MAD1L1: variants seen among roughly 807,000 people sequenced by gnomAD.
MAD1L1 encodes mitotic spindle assembly checkpoint protein MAD1.
MAD1L1 carries 95 observed loss-of-function variants against 96.9 expected under a neutral mutation model. The ratio of observed to expected loss-of-function variants is 0.98; its 90% confidence interval spans 0.83 to 1.16. The LOEUF is 1.16. Among genes scored for constraint, MAD1L1 ranks in the 50% most tolerant of loss-of-function variants. The pLI is 0.00. For synonymous variants in MAD1L1, 473 were observed against 396.6 expected, an observed-to-expected ratio of 1.19 and a Z score of -2.29; for missense variants, 1,007 against 954.4, an observed-to-expected ratio of 1.06 and a Z score of -0.73.
intron 16 of MAD1L1, among the ~76,000 whole-genome samples, chr7:1,944,345 G>A (rs1246182508): frequency 2.0e-5 from 3 of 152,234 alleles, no homozygotes; most frequent in African/African-American, 7.2e-5. Flanking sequence ...CCCCTTCAAA[G>A]GGACGAGGTA....
At chr7:1,933,250 T>C (rs2128462005) in intron 17 of MAD1L1, among the ~76,000 whole-genome samples, 1 of 152,268 alleles carries the variant, frequency 6.6e-6, no homozygotes, top group East Asian at 1.9e-4. Context: ...GGTAGGAGCA[T>C]GGAGCCGTCT....
chr7:1,973,728 G>A (rs931094893), intron 15 of MAD1L1, among the ~76,000 whole-genome samples: 3 of 152,160 alleles, frequency 2.0e-5, no homozygotes, highest in African/African-American at 7.2e-5. Context: ...CTGACATGGG[G>A]TCCTGGGGGT....
chr7:1,979,973 CGA>C (rs1562579743), intron 15 of MAD1L1, among the ~76,000 whole-genome samples: 1 of 152,184 alleles, frequency 6.6e-6, no homozygotes, highest in African/African-American at 2.4e-5. Flanking sequence ...CCAGCAGAGA[CGA>C]GTGTCCCTGC....
At chr7:2,160,329 ATTT>A (rs58004689) in intron 10 of MAD1L1, among the ~76,000 whole-genome samples, 19,174 of 109,570 alleles carry the variant, frequency 0.17, 1,318 homozygotes, top group Middle Eastern at 0.29. Context: ...ACTGGATCCT[ATTT>A]TTTTTTTTTT....
At chr7:1,823,937 G>A (rs57641962) in intron 18 of MAD1L1, among the ~76,000 whole-genome samples, 7,630 of 151,110 alleles carry the variant, frequency 0.05, 447 homozygotes, top group African/African-American at 0.14. Flanking sequence ...CCGCTCCGGA[G>A]CAGGGCTCTG....
intron 10 of MAD1L1, among the ~76,000 whole-genome samples, chr7:2,204,260 C>T (rs1031494439): frequency 6.6e-6 from 1 of 152,178 alleles, no homozygotes; most frequent in Non-Finnish European, 1.5e-5. Context: ...CAGTCCAAGT[C>T]GCCACTAAGG....
intron 1 of MAD1L1, among the ~76,000 whole-genome samples, chr7:2,231,155 G>A (rs372977156): frequency 1.3e-5 from 2 of 152,098 alleles, no homozygotes; most frequent in South Asian, 4.1e-4. Flanking sequence ...AAAACTAGCC[G>A]GGTGTGGTGG....
At chr7:1,879,736 C>A (rs1785577341) in intron 18 of MAD1L1, among the ~76,000 whole-genome samples, 1 of 152,144 alleles carries the variant, frequency 6.6e-6, no homozygotes, top group Non-Finnish European at 1.5e-5. Context: ...ATATGGCAAA[C>A]TGATTTTCTT....
intron 17 of MAD1L1, among the ~76,000 whole-genome samples, chr7:1,923,239 G>A (rs1562527460): frequency 6.6e-6 from 1 of 152,344 alleles, no homozygotes; most frequent in East Asian, 1.9e-4. Context: ...GAGTTCTGCA[G>A]TCTGTGGTTG....
chr7:2,219,471 G>C lies in MAD1L1; in HGVS notation c.472-15C>G. ...GCGTTGATGGTCTAAAAGTAGAGGG[G>C]ACCAGAGAGCCGCTCAGTGAGTGGA... On this transcript the variant is annotated splice_polypyrimidine_tract_variant and intron_variant, in intron 5 of 18. Transcript: ENST00000265854. The C allele has an allele frequency of 1.2e-6, 2 of 1,612,564 alleles. No individual in the cohort carries two copies. The highest frequency in any genetic ancestry group is 2.2e-5 in the South Asian group (2 of 90,902).
At chr7:2,033,300 C>T (rs7803147) in intron 12 of MAD1L1, among the ~76,000 whole-genome samples, 5 of 152,106 alleles carry the variant, frequency 3.3e-5, no homozygotes, top group Non-Finnish European at 5.9e-5. Context: ...CCAGATGACC[C>T]GGTCACCCCT....
chr7:2,006,164 G>C (rs181300084), intron 13 of MAD1L1, among the ~76,000 whole-genome samples: 3 of 152,306 alleles, frequency 2.0e-5, no homozygotes, highest in South Asian at 4.2e-4. Flanking sequence ...CCTAAGAACA[G>C]AGCCATGGAA....
intron 18 of MAD1L1, among the ~76,000 whole-genome samples, chr7:1,885,179 G>A (rs893426477): frequency 5.9e-5 from 9 of 152,160 alleles, no homozygotes; most frequent in African/African-American, 1.7e-4. Context: ...CTCAGAGATG[G>A]CTCCGGGCTC....
intron 10 of MAD1L1, among the ~76,000 whole-genome samples, chr7:2,206,754 C>T (rs967361362): frequency 6.6e-6 from 1 of 151,712 alleles, no homozygotes; most frequent in African/African-American, 2.4e-5. Flanking sequence ...ATGGCTATAA[C>T]AATTTATAGG....
intron 12 of MAD1L1, among the ~76,000 whole-genome samples, chr7:2,065,627 C>A (rs1784845415): frequency 6.6e-6 from 1 of 152,186 alleles, no homozygotes. Flanking sequence ...AGACCCTCAA[C>A]AACTCCAGAA....
intron 11 of MAD1L1, among the ~76,000 whole-genome samples, chr7:2,081,671 T>C (rs1410167173): frequency 6.6e-6 from 1 of 152,020 alleles, no homozygotes. Flanking sequence ...CACACAGGGG[T>C]CCGCCGTCAC....
At chr7:2,121,991 G>A (rs1489613491) in intron 11 of MAD1L1, among the ~76,000 whole-genome samples, 1 of 152,230 alleles carries the variant, frequency 6.6e-6, no homozygotes, top group African/African-American at 2.4e-5. Flanking sequence ...AAAAGACCCT[G>A]GGTGTTAAAA....
chr7:1,879,218 A>G (rs1272746175), intron 18 of MAD1L1, among the ~76,000 whole-genome samples: 2 of 152,108 alleles, frequency 1.3e-5, no homozygotes, highest in Non-Finnish European at 2.9e-5. Context: ...TCATGCCTGT[A>G]TTACAGGCAG....
intron 18 of MAD1L1, among the ~76,000 whole-genome samples, chr7:1,839,126 AG>A (rs1783095921): frequency 6.6e-6 from 1 of 152,152 alleles, no homozygotes; most frequent in Non-Finnish European, 1.5e-5. Context: ...TTAGAGCAAC[AG>A]GGAGGCCCTC....
Sources: gnomAD v4.1 joint callset for allele counts (sites outside exome capture counted in the v4.1 genomes callset) on GRCh38, gnomAD v4.1.1 for gene constraint, MANE v1.5 for transcripts, NCBI Gene and HGNC (gene_info 2026-07-23, HGNC 2026-07-21) for gene names.